The following GBF1 variants were observed in gnomAD, a reference collection of about 807,000 sequenced individuals.
GBF1 encodes Golgi-specific brefeldin A-resistance guanine nucleotide exchange factor 1.
In GBF1, 114 loss-of-function variants were observed where a neutral mutation model predicts 210.5. That is an observed-to-expected ratio of 0.54 (90% confidence interval 0.47 to 0.63). The LOEUF is 0.63. GBF1 is among the 30% of genes least tolerant of loss of function. GBF1 has a pLI of 0.00. For synonymous variants in GBF1, 850 were observed against 889.2 expected (o/e 0.96, Z 0.78); for missense variants, 1,851 against 2,357.7 (o/e 0.79, Z 4.45).
At position 102,352,490 on chromosome 10, in the gene GBF1, G is replaced by A. The variant is rs376175528; in HGVS notation, c.556G>A (p.Val186Ile). ...GAGAAAATCCGCAGAGCACACTCTC[G>A]TAGACATGGTGCAGCTGCTCTTCAC... ...LLRKSAEHTL[V>I]DMVQLLFTRL... The change falls in exon 7 of 40, where the codon GTA becomes ATA. Residue 186 changes from valine (V) to isoleucine (I), a missense_variant. Around this residue, in one of 3 missense-constraint regions of GBF1, gnomAD observed 804 missense variants for 958.6 expected, o/e 0.84. Coordinates refer to ENST00000369983, the MANE Select transcript of GBF1 (RefSeq NM_001377137.1). The A allele has an allele frequency of 1.1e-5, 17 of 1,611,956 alleles. No homozygotes were observed. The East Asian group carries it at 1.8e-4, about 17-fold the overall frequency.
intron 24 of GBF1, 51 bp from the exon 25 acceptor site, chr10:102,369,660 C>A: frequency 1.3e-6 from 2 of 1,539,256 alleles, no homozygotes; most frequent in Non-Finnish European, 1.8e-6. Context: ...TGGAGGCGGG[C>A]ACAAATGCAA....
At chr10:102,359,793 T>C (rs1350418655) in intron 11 of GBF1, among the ~76,000 whole-genome samples, 9 of 151,170 alleles carry the variant, frequency 6.0e-5, no homozygotes, top group South Asian at 2.1e-4. Context: ...TTTTTTTTTT[T>C]CCTGTCGCCC....
At chr10:102,378,910 G>A (rs1474034688) in intron 33 of GBF1, among the ~76,000 whole-genome samples, 2 of 152,112 alleles carry the variant, frequency 1.3e-5, no homozygotes, top group Non-Finnish European at 2.9e-5. Context: ...CTCCAGCCTG[G>A]GTGACAGAGT....
At chr10:102,264,238 T>C (rs1243124679) in intron 3 of GBF1, among the ~76,000 whole-genome samples, 1 of 152,186 alleles carries the variant, frequency 6.6e-6, no homozygotes, top group Non-Finnish European at 1.5e-5. Context: ...GTCTCAGAAC[T>C]GTGGAGGGAA....
At chr10:102,307,651 C>T (rs1292088641) in intron 3 of GBF1, among the ~76,000 whole-genome samples, 5 of 151,964 alleles carry the variant, frequency 3.3e-5, no homozygotes, top group South Asian at 4.2e-4. Flanking sequence ...ATTAGCCGGG[C>T]GTGGTGGCGG....
At chr10:102,237,254 C>T in the GBF1 span, among the ~76,000 whole-genome samples, 3 of 152,066 alleles carry the variant, frequency 2.0e-5, no homozygotes, top group African/African-American at 7.3e-5. Context: ...GAGAGGGAAG[C>T]CCATGGAAGG....
In GBF1 at chr10:102,351,891, G is replaced by T. The variant is rs766713333; in HGVS notation, c.463G>T (p.Glu155Ter). The change falls in exon 6 of 40, where the codon GAA (glutamate) becomes TAA (stop). Residue 155 changes from glutamate to a stop codon, truncating the protein, a stop_gained. Coordinates refer to ENST00000369983, the MANE Select transcript of GBF1 (RefSeq NM_001377137.1). LOFTEE classifies it high-confidence loss of function. Reference sequence around the variant, plus strand: ...CCCAGTGGGTGCCCACCTAACCAATGAATCTGTGTGTGAGATTATGCAGTC... The same window carrying T: ...CCCAGTGGGTGCCCACCTAACCAATTAATCTGTGTGTGAGATTATGCAGTC... Reference protein sequence around the residue: ...LTPVGAHLTNESVCEIMQSCF... With the variant: ...LTPVGAHLTN The T allele has an allele frequency of 1.2e-6, 2 of 1,612,596 alleles. No homozygotes were observed. Among genetic ancestry groups the T allele is most frequent in the Non-Finnish European group, 1.7e-6 (2 of 1,178,610 alleles).
intron 3 of GBF1, among the ~76,000 whole-genome samples, chr10:102,335,581 A>G (rs976415373): frequency 6.6e-6 from 1 of 152,192 alleles, no homozygotes; most frequent in Non-Finnish European, 1.5e-5. Flanking sequence ...GAAGCAGTAA[A>G]GTCGGATGGC....
intron 3 of GBF1, among the ~76,000 whole-genome samples, chr10:102,306,207 G>A (rs1481113843): frequency 5.3e-5 from 8 of 152,074 alleles, no homozygotes; most frequent in Admixed American, 1.3e-4. Context: ...CAAATGAGAC[G>A]GGAAATGAGC....
At position 102,257,068 on chromosome 10, in the gene GBF1, G is replaced by A. The variant is rs1055915854; in HGVS notation, c.-10-1861G>A. On this transcript the variant is annotated intron_variant, in intron 1 of 39. Coordinates refer to ENST00000369983, the MANE Select transcript of GBF1 (RefSeq NM_001377137.1). ...AACCCCAAAAGACAAAACGATTACA[G>A]ATAAGGCTCAAGTATCCTCTGATTG... 9.9e-5 allele frequency among the ~76,000 whole-genome samples: 15 copies of A among 152,154 alleles called. 1 individual carries two copies. The highest frequency in any genetic ancestry group is 3.3e-4 in the Admixed American group (5 of 15,272).
chr10:102,293,904 A>G (rs1213280645), intron 3 of GBF1, among the ~76,000 whole-genome samples: 1 of 150,940 alleles, frequency 6.6e-6, no homozygotes, highest in Middle Eastern at 3.2e-3. Context: ...CAGCTTCCCG[A>G]GTAGCTGGGA....
At chr10:102,337,239 A>G (rs1210151576) in intron 3 of GBF1, among the ~76,000 whole-genome samples, 15 of 151,246 alleles carry the variant, frequency 9.9e-5, no homozygotes, top group Admixed American at 9.9e-4. Flanking sequence ...TTAGCCGGGC[A>G]TGGTGGTGGG....
the GBF1 span, among the ~76,000 whole-genome samples, chr10:102,232,751 A>C: frequency 6.6e-6 from 1 of 152,164 alleles, no homozygotes; most frequent in Non-Finnish European, 1.5e-5. Context: ...CAAAAACTTA[A>C]AATCCTTCTC....
At position 102,375,402 on chromosome 10, in the gene GBF1, T is replaced by C. The variant is rs748578259; in HGVS notation, c.3704T>C (p.Val1235Ala). 1 of 1,613,790 alleles carries C rather than the reference T, an allele frequency of 6.2e-7. No homozygotes were observed. The highest frequency in any genetic ancestry group is 8.5e-7 in the Non-Finnish European group (1 of 1,179,824). ...ATTTTGCTACTGATGAAGCCCAGTG[T>C]GCTATCCCGAGTCAGCCACCAGGTT... Reference protein sequence around the residue: ...LRILLLMKPSVLSRVSHQVAY... With the variant: ...LRILLLMKPSALSRVSHQVAY... Residue 1235 changes from valine to alanine, a missense_variant, in exon 30 of 40, where the codon GTG becomes GCG. Coordinates refer to ENST00000369983, the MANE Select transcript of GBF1 (RefSeq NM_001377137.1).
intron 3 of GBF1, among the ~76,000 whole-genome samples, chr10:102,289,714 A>G (rs1481422625): frequency 6.6e-6 from 1 of 152,202 alleles, no homozygotes; most frequent in Non-Finnish European, 1.5e-5. Context: ...TGTAGGTTTT[A>G]TAGAATCAGA....
At position 102,314,241 on chromosome 10, in the gene GBF1, G is replaced by A. The variant is rs779796522; in HGVS notation, c.164-29810G>A. Among the ~76,000 whole-genome samples, 102 of 150,914 alleles carry A rather than the reference G, an allele frequency of 6.8e-4. 1 individual carries two copies. The highest frequency in any genetic ancestry group is 1.4e-3 in the Non-Finnish European group (93 of 67,900). On this transcript the variant is annotated intron_variant, in intron 3 of 39. Coordinates refer to ENST00000369983, the MANE Select transcript of GBF1 (RefSeq NM_001377137.1). ...GCTCACTGCAGCCTCAACCTCCTGG[G>A]CTCAAGTGATCCTCCTGTCTCAGCC... is the stretch of plus-strand genomic sequence containing the variant.
Position 102,370,115 on chromosome 10 carries a change from G to A in GBF1, c.3340-59G>A, listed in dbSNP as rs1042963136. 5.3e-6 allele frequency: 8 copies of A among 1,518,758 alleles called. No individual in the cohort carries two copies. In the African/African-American group the frequency reaches 5.5e-5, roughly 10 times the overall value. 94.1% of individuals were successfully genotyped at this position (1,518,758 alleles called of 1,614,324 possible). A position where few individuals can be genotyped will look rare whatever the true frequency, so the allele number is the denominator to read the frequency against. The stretch of plus-strand genomic sequence containing the variant: ...TCTGCCCTCTCCCCCTGGCTCTTGG[G>A]GACATTCTGTTCTCTTCAGCCTTTG... On this transcript the variant is annotated intron_variant, in intron 26 of 39. Coordinates refer to ENST00000369983, the MANE Select transcript of GBF1 (RefSeq NM_001377137.1).
chr10:102,259,075 T>TA (rs1248028045), intron 2 of GBF1, 41 bp downstream of exon 2: 1 of 978,060 alleles, frequency 1.0e-6, no homozygotes, highest in South Asian at 1.3e-5. Flanking sequence ...ACTAAGTTTT[T>TA]ATAGGGGATC....
chr10:102,238,032 G>T, the GBF1 span, among the ~76,000 whole-genome samples: 29 of 152,166 alleles, frequency 1.9e-4, no homozygotes, highest in Non-Finnish European at 4.0e-4. Flanking sequence ...AATAGGAAAG[G>T]AGAAACTATT....
Sources: gnomAD v4.1 joint callset for allele counts (sites outside exome capture counted in the v4.1 genomes callset) on GRCh38, gnomAD v4.1.1 for gene constraint, gnomAD v4.1.1 regional missense constraint, MANE v1.5 for transcripts, NCBI Gene and HGNC (gene_info 2026-07-23, HGNC 2026-07-21) for gene names.